OR51B5: variants seen among roughly 807,000 people sequenced by gnomAD.
OR51B5 encodes olfactory receptor 51B5.
For synonymous variants in OR51B5, 186 were observed against 144.8 expected, an observed-to-expected ratio of 1.28 and a Z score of -2.04; for missense variants, 456 against 374.6, an observed-to-expected ratio of 1.22 and a Z score of -1.79.
chr11:5,415,723 CAGG>C (rs941947479), intron 1 of OR51B5, among the ~76,000 whole-genome samples: 14 of 151,892 alleles, frequency 9.2e-5, no homozygotes, highest in Non-Finnish European at 1.3e-4. Context: ...AAGACTAAAC[CAGG>C]AAGAAGTTGA....
chr11:5,365,101 C>A (rs1849345028), intron 1 of OR51B5, among the ~76,000 whole-genome samples: 1 of 152,204 alleles, frequency 6.6e-6, no homozygotes, highest in Non-Finnish European at 1.5e-5. Flanking sequence ...CTTGTAATAA[C>A]CTTGAATTCA....
At chr11:5,362,157 C>G (rs4910764) in intron 1 of OR51B5, among the ~76,000 whole-genome samples, 40,297 of 152,088 alleles carry the variant, frequency 0.26, 5,592 homozygotes, top group African/African-American at 0.31. Context: ...TCATTCCATG[C>G]TGAGCTATCA....
intron 1 of OR51B5, among the ~76,000 whole-genome samples, chr11:5,446,263 T>C (rs1850761821): frequency 6.6e-6 from 1 of 150,890 alleles, no homozygotes; most frequent in Non-Finnish European, 1.5e-5. Context: ...TAAAAATACA[T>C]ACATAAAAAA....
chr11:5,396,941 C>T (rs1849882497), intron 1 of OR51B5, among the ~76,000 whole-genome samples: 1 of 152,128 alleles, frequency 6.6e-6, no homozygotes, highest in South Asian at 2.1e-4. Flanking sequence ...CTGAGAAAAA[C>T]AAGAAATGGG....
At chr11:5,393,148 T>C (rs1015386483) in intron 1 of OR51B5, 6 of 152,194 alleles carry the variant, frequency 3.9e-5, no homozygotes, top group African/African-American at 1.4e-4. Flanking sequence ...TGGCAAAATT[T>C]TTTTCCTGTT....
At chr11:5,450,780 T>C (rs1448616625) in intron 1 of OR51B5, among the ~76,000 whole-genome samples, 3 of 152,122 alleles carry the variant, frequency 2.0e-5, no homozygotes, top group African/African-American at 7.2e-5. Context: ...GAGAAGAGAG[T>C]CACTGTTCAA....
chr11:5,403,379 T>G (rs1850003801), intron 1 of OR51B5: 1 of 471,330 alleles, frequency 2.1e-6, no homozygotes, highest in African/African-American at 2.0e-5. Context: ...TTGGCTTGTC[T>G]ATAGTGCACC....
intron 1 of OR51B5, chr11:5,403,334 C>A (rs972080149): frequency 2.1e-6 from 1 of 471,638 alleles, no homozygotes; most frequent in South Asian, 1.5e-5. Flanking sequence ...GTGGCTCACA[C>A]GTCTGTGCTG....
intron 1 of OR51B5, among the ~76,000 whole-genome samples, chr11:5,398,616 T>C (rs971033157): frequency 1.3e-5 from 2 of 152,160 alleles, no homozygotes; most frequent in Non-Finnish European, 2.9e-5. Context: ...TCATATTGAA[T>C]TGTAATCCCC....
chr11:5,365,783 C>G (rs1285492279), intron 1 of OR51B5, among the ~76,000 whole-genome samples: 1 of 152,208 alleles, frequency 6.6e-6, no homozygotes, highest in African/African-American at 2.4e-5. Context: ...CCAGGCATCA[C>G]CTCCATTACC....
At chr11:5,487,389 A>G (rs1223995105) in intron 1 of OR51B5, among the ~76,000 whole-genome samples, 1 of 152,170 alleles carries the variant, frequency 6.6e-6, no homozygotes, top group Non-Finnish European at 1.5e-5. Context: ...GTCATTCCCA[A>G]TTTAAAGATA....
upstream of OR51B5, among the ~76,000 whole-genome samples, chr11:5,344,595 C>A (rs1429413259): frequency 6.6e-6 from 1 of 152,166 alleles, no homozygotes; most frequent in East Asian, 1.9e-4. Context: ...TGCCACTAGA[C>A]TAGGGGCTTC....
chr11:5,403,020 G>T (rs774677419), intron 1 of OR51B5: 48 of 471,432 alleles, frequency 1.0e-4, no homozygotes, highest in South Asian at 7.4e-4. Context: ...TCCTGACACT[G>T]CCCAGGGTCT....
At chr11:5,378,925 C>A (rs1849569315) in intron 1 of OR51B5, among the ~76,000 whole-genome samples, 2 of 150,756 alleles carry the variant, frequency 1.3e-5, no homozygotes, top group Admixed American at 6.6e-5. Flanking sequence ...GGATCTAGAA[C>A]TAGAAATACC....
rs1338651564 is a variant in OR51B5 at position 5,394,681 on chromosome 11, C to T, written n.85-47771G>A. 2.0e-5 allele frequency among the ~76,000 whole-genome samples: 3 copies of T among 152,160 alleles called. No individual in the cohort carries two copies. In the East Asian group the frequency reaches 5.8e-4, roughly 29 times the overall value. ...TTTTCCCCTCTATCTAAAATGTTACCTATTTTGAATGATAGTGCAGACATT... is the reference window on the plus strand; with the variant it reads ...TTTTCCCCTCTATCTAAAATGTTACTTATTTTGAATGATAGTGCAGACATT... On this transcript the variant is annotated intron_variant and non_coding_transcript_variant, in intron 1 of 4. Coordinates refer to the OR51B5 transcript ENST00000415970.
Position 5,388,704 on chromosome 11 carries a change from G to A in OR51B5, n.85-41794C>T, listed in dbSNP as rs7935053. Reference sequence around the variant, plus strand: ...ACCTTTTTTACTTCATTAAAAACTTGTTTATGTATACGTCTCTCTTGCTAT... The same window carrying A: ...ACCTTTTTTACTTCATTAAAAACTTATTTATGTATACGTCTCTCTTGCTAT... On this transcript the variant is annotated intron_variant and non_coding_transcript_variant, in intron 1 of 4. Coordinates refer to the OR51B5 transcript ENST00000415970. 2.9e-3 allele frequency among the ~76,000 whole-genome samples: 441 copies of A among 151,616 alleles called. 1 individual carries two copies. Among genetic ancestry groups the A allele is most frequent in the African/African-American group, 0.01 (418 of 41,374 alleles).
intron 1 of OR51B5, among the ~76,000 whole-genome samples, chr11:5,401,744 A>C (rs7101836): frequency 0.024 from 3,725 of 152,062 alleles, 136 homozygotes; most frequent in African/African-American, 0.085. Context: ...CTCCACACCA[A>C]CTCAAGGCAG....
intron 1 of OR51B5, among the ~76,000 whole-genome samples, chr11:5,446,247 G>A (rs552100919): frequency 4.0e-5 from 6 of 151,576 alleles, no homozygotes; most frequent in Non-Finnish European, 8.8e-5. Flanking sequence ...AGAACTTAAA[G>A]TATAATAAAA....
rs141927875 is a variant in OR51B5 at position 5,441,878 on chromosome 11, A to T, written n.84+63691T>A. On this transcript the variant is annotated intron_variant and non_coding_transcript_variant, in intron 1 of 4. Coordinates refer to the OR51B5 transcript ENST00000415970. ...CTTTGGTAGATAGCATAGATGGAAC[A>T]TCTACTACTATAAATTTACAGATTC... Among the ~76,000 whole-genome samples the T allele has an allele frequency of 4.4e-4, 67 of 152,316 alleles. 1 individual carries two copies. The East Asian group carries it at 0.013, about 29-fold the overall frequency.
Sources: allele counts gnomAD v4.1 joint callset (sites outside exome capture counted in the v4.1 genomes callset), GRCh38; gene constraint gnomAD v4.1.1; transcripts MANE v1.5; gene names NCBI Gene and HGNC (gene_info 2026-07-23, HGNC 2026-07-21).